Variants in ZEB2 observed in about 807,000 individuals in gnomAD.
ZEB2 encodes the protein zinc finger E-box-binding homeobox 2.
Under a neutral mutation model 99.9 loss-of-function variants are expected in ZEB2, and 6 were observed. The ratio of observed to expected loss-of-function variants is 0.06; its 90% confidence interval spans 0.03 to 0.12. The LOEUF (loss-of-function observed/expected upper bound fraction) is 0.12, where lower values mean the gene tolerates loss of function less well. ZEB2 is among the 10% of genes least tolerant of loss of function. ZEB2 has a pLI of 1.00. For missense variants in ZEB2, 969 were observed against 1,502.8 expected (o/e 0.64, Z 5.87); for synonymous variants, 517 against 542.5 (o/e 0.95, Z 0.65).
chr2:144,396,728 G>C, intron 8 of ZEB2, 136 bp from the exon 9 acceptor site: 2 of 882,018 alleles, frequency 2.3e-6, no homozygotes. Context: ...TTTTTTCCAT[G>C]AACAATATAT....
chr2:144,505,376 T>G (rs1016864593), intron 2 of ZEB2, among the ~76,000 whole-genome samples: 1 of 152,198 alleles, frequency 6.6e-6, no homozygotes, highest in Non-Finnish European at 1.5e-5. Flanking sequence ...AAAGTTCAAG[T>G]TGGCAAAAGT....
intron 2 of ZEB2, among the ~76,000 whole-genome samples, chr2:144,438,247 CAAT>C (rs1415689003): frequency 6.6e-6 from 1 of 152,176 alleles, no homozygotes; most frequent in Non-Finnish European, 1.5e-5. Context: ...TTACTGAAGT[CAAT>C]AATAATTCTT....
chr2:144,395,306 C>T (rs1703211758), intron 9 of ZEB2, among the ~76,000 whole-genome samples: 1 of 151,962 alleles, frequency 6.6e-6, no homozygotes, highest in Admixed American at 6.6e-5. Context: ...GCTCATATTC[C>T]CTTTTCTGTC....
intron 4 of ZEB2, among the ~76,000 whole-genome samples, chr2:144,419,559 G>A (rs1157095944): frequency 1.3e-5 from 2 of 152,170 alleles, no homozygotes; most frequent in Non-Finnish European, 2.9e-5. Context: ...ATGCACCTAA[G>A]ATAGCTCCTT....
intron 4 of ZEB2, chr2:144,424,504 A>G: frequency 1.7e-6 from 1 of 601,230 alleles, no homozygotes; most frequent in Non-Finnish European, 3.1e-6. Flanking sequence ...TTTTAAAATA[A>G]AAGTTACTAC....
intron 3 of ZEB2, chr2:144,427,050 T>C (rs986340796): frequency 6.6e-6 from 1 of 152,190 alleles, no homozygotes; most frequent in Non-Finnish European, 1.5e-5. Flanking sequence ...GCATACTGTG[T>C]CTAAAACCAC....
rs1703086652 is a variant in ZEB2 at position 144,386,602 on chromosome 2, G to T, written c.*2849C>A. On this transcript the variant is annotated 3_prime_UTR_variant, in exon 10 of 10. Coordinates refer to ENST00000627532, the MANE Select transcript of ZEB2 (RefSeq NM_014795.4). ...CTTCTTTCCAAGGAGAAAGAGTTAG[G>T]TTGCACATTCATTGTTTGTTGGTCC... 6.6e-6 allele frequency: 1 copy of T among 152,106 alleles called. No individual in the cohort carries two copies. Among genetic ancestry groups the T allele is most frequent in the Non-Finnish European group, 1.5e-5 (1 of 68,014 alleles). The allele number at this position is 152,106 out of a possible 1,614,324, so 9.4% of individuals were successfully genotyped here. A position where few individuals can be genotyped will look rare whatever the true frequency, so the allele number is the denominator to read the frequency against.
intron 2 of ZEB2, chr2:144,497,856 CATATATATATATATGTCATTCTCAACAT>C (rs1704789363): frequency 6.7e-4 from 1 of 1,496 alleles, no homozygotes; most frequent in African/African-American, 9.3e-4. Flanking sequence ...TCATTCTCAA[CATATATATATATATGTCATTCTCAACAT>C]ATATATATAT....
At chr2:144,400,805 T>C (rs770461940) in intron 7 of ZEB2, among the ~76,000 whole-genome samples, 7 of 152,254 alleles carry the variant, frequency 4.6e-5, no homozygotes, top group Non-Finnish European at 7.3e-5. Context: ...GTATTTATCA[T>C]ACATAGCTCT....
At chr2:144,394,444 A>G (rs1298695572) in intron 9 of ZEB2, 2 of 152,232 alleles carry the variant, frequency 1.3e-5, no homozygotes, top group African/African-American at 4.8e-5. Context: ...AACCAATCAG[A>G]GAGGGAAAGA....
In ZEB2 at chr2:144,395,252, G is replaced by C. The variant is rs1703209474; in HGVS notation, c.3067+1160C>G. 3.3e-5 allele frequency among the ~76,000 whole-genome samples: 5 copies of C among 152,158 alleles called. No homozygotes were observed. The South Asian group carries it at 1.0e-3, about 32-fold the overall frequency. On this transcript the variant is annotated intron_variant, in intron 9 of 9. Transcript: ENST00000627532. ...GGGCTCAAGCAGTCTTCCTGCCTTG[G>C]TCTTTCAAAGTGCTGGGATTACAGG...
At chr2:144,434,905 G>A (rs564871125) in intron 2 of ZEB2, among the ~76,000 whole-genome samples, 86 of 152,284 alleles carry the variant, frequency 5.6e-4, no homozygotes, top group African/African-American at 2.0e-3. Flanking sequence ...ATCCAAGGAA[G>A]CTTGGTAGAA....
At chr2:144,474,783 A>G (rs1320143698) in intron 2 of ZEB2, among the ~76,000 whole-genome samples, 1 of 152,186 alleles carries the variant, frequency 6.6e-6, no homozygotes, top group Non-Finnish European at 1.5e-5. Flanking sequence ...TTTGATGTTT[A>G]AGATTTCTTT....
chr2:144,455,930 T>A (rs1161133054), intron 2 of ZEB2, among the ~76,000 whole-genome samples: 1 of 152,056 alleles, frequency 6.6e-6, no homozygotes, highest in East Asian at 1.9e-4. Context: ...CACATAATCT[T>A]AAAAAAGGAC....
At chr2:144,423,022 T>C (rs901167943) in intron 4 of ZEB2, among the ~76,000 whole-genome samples, 1 of 152,300 alleles carries the variant, frequency 6.6e-6, no homozygotes, top group African/African-American at 2.4e-5. Flanking sequence ...ACACACTCAA[T>C]GAACACTTAT....
intron 5 of ZEB2, among the ~76,000 whole-genome samples, chr2:144,404,478 G>A (rs1294687566): frequency 1.3e-5 from 2 of 152,042 alleles, no homozygotes; most frequent in Non-Finnish European, 2.9e-5. Context: ...CTCACAGTGT[G>A]AAGGGGCGTT....
intron 2 of ZEB2, among the ~76,000 whole-genome samples, chr2:144,510,687 C>CCTCTCTCT (rs34688250): frequency 0.017 from 2,556 of 147,904 alleles, 51 homozygotes; most frequent in African/African-American, 0.053. Flanking sequence ...CTACCCTGTG[C>CCTCTCTCT]CTCTCTCTCT....
intron 2 of ZEB2, chr2:144,463,682 A>C (rs1003578953): frequency 6.6e-6 from 1 of 151,874 alleles, no homozygotes; most frequent in East Asian, 1.9e-4. Context: ...TAAAAAAAAA[A>C]ATTATCTGGG....
At chr2:144,487,365 T>C (rs1704612952) in intron 2 of ZEB2, among the ~76,000 whole-genome samples, 1 of 152,082 alleles carries the variant, frequency 6.6e-6, no homozygotes, top group Non-Finnish European at 1.5e-5. Context: ...AGGAACAATT[T>C]TGAATGATAT....
Sources: allele counts gnomAD v4.1 joint callset (sites outside exome capture counted in the v4.1 genomes callset), GRCh38; gene constraint gnomAD v4.1.1; transcripts MANE v1.5; gene names NCBI Gene and HGNC (gene_info 2026-07-23, HGNC 2026-07-21).